Variants in ULK1 observed in about 807,000 individuals in gnomAD.
ULK1 encodes serine/threonine-protein kinase ULK1.
ULK1 carries 48 observed loss-of-function variants against 117.5 expected under a neutral mutation model. The ratio of observed to expected loss-of-function variants is 0.41; its 90% CI spans 0.32 to 0.52. The LOEUF (loss-of-function observed/expected upper bound fraction) is 0.52. ULK1 is among the 20% of genes least tolerant of loss of function. The pLI is 0.29. For missense variants in ULK1, 1,387 were observed against 1,473.4 expected (o/e 0.94, Z 0.96); for synonymous variants, 790 against 637.8 (o/e 1.24, Z -3.60).
chr12:131,895,464 A>T, intron 1 of ULK1, 137 bp from the exon 2 acceptor site: 1 of 724,898 alleles, frequency 1.4e-6, no homozygotes, highest in Non-Finnish European at 2.3e-6. Flanking sequence ...GCGATCCTCA[A>T]CCTGGCTCCC....
At chr12:131,910,601 G>A (rs905509169) in intron 11 of ULK1, 111 bp from the exon 12 acceptor site, 8 of 1,604,422 alleles carry the variant, frequency 5.0e-6, no homozygotes, top group East Asian at 4.5e-5. Flanking sequence ...TGGTCGGGGT[G>A]TAGCCGGAAG....
At chr12:131,910,199 G>T in intron 10 of ULK1, 55 bp from the exon 11 acceptor site, 11 of 1,608,236 alleles carry the variant, frequency 6.8e-6, no homozygotes, top group Non-Finnish European at 8.5e-6. Context: ...GGAGGCAGGG[G>T]CCTGGGGTCA....
At chr12:131,920,249 C>G in intron 26 of ULK1, 113 bp downstream of exon 26, 2 of 1,360,088 alleles carry the variant, frequency 1.5e-6, no homozygotes, top group Non-Finnish European at 2.0e-6. Context: ...GGGGGTGTCA[C>G]TTCTGGAGGT....
Position 131,908,968 on chromosome 12 carries a change from C to T in ULK1, c.561C>T (p.Tyr187=), listed in dbSNP as rs777488587. The change falls in exon 7 of 28, where the codon TAC becomes TAT. Residue 187 remains tyrosine (Y), a synonymous_variant. Coordinates refer to ENST00000321867, the MANE Select transcript of ULK1 (RefSeq NM_003565.4). ...CCACACTCTGCGGCTCCCCCATGTA[C>T]ATGGTGTGTTTACCTTGGCCGGGCT... ...MAATLCGSPM[Y]MAPEVIMSQH... 1 of 1,612,870 alleles carries T rather than the reference C, an allele frequency of 6.2e-7. No individual in the cohort carries two copies. The highest frequency in any genetic ancestry group is 8.5e-7 in the Non-Finnish European group (1 of 1,179,884).
intron 3 of ULK1, chr12:131,897,853 G>A (rs952627948): frequency 3.3e-5 from 5 of 152,110 alleles, no homozygotes; most frequent in African/African-American, 1.2e-4. Flanking sequence ...GAGCCGTGAT[G>A]TTGCCACCGC....
At chr12:131,899,368 A>G (rs1183837077) in intron 3 of ULK1, among the ~76,000 whole-genome samples, 2 of 151,998 alleles carry the variant, frequency 1.3e-5, no homozygotes, top group East Asian at 1.9e-4. Flanking sequence ...TTGTACTTTT[A>G]GTAGAGACAA....
At chr12:131,918,353 C>T (rs545094838) in intron 22 of ULK1, 144 bp from the exon 23 acceptor site, 3 of 1,019,546 alleles carry the variant, frequency 2.9e-6, no homozygotes, top group Non-Finnish European at 2.8e-6. Flanking sequence ...TGCTGTGCTT[C>T]TCCTGTTGGA....
chr12:131,917,553 A>G lies in ULK1; in HGVS notation c.2325A>G (p.Ser775=). 1 of 1,423,756 alleles carries G rather than the reference A, an allele frequency of 7.0e-7. No individual in the cohort carries two copies. The highest frequency in any genetic ancestry group is 9.2e-7 in the Non-Finnish European group (1 of 1,083,092). 88.2% of individuals were successfully genotyped at this position (1,423,756 alleles called of 1,614,324 possible). The change falls in exon 22 of 28, where the codon TCA becomes TCG. Residue 775 remains serine (S), a splice_region_variant and synonymous_variant. Coordinates refer to ENST00000321867, the MANE Select transcript of ULK1 (RefSeq NM_003565.4). ...PPQGPRTRMF[S]AGPTGSASSS... ...AGGGCCCCCGCACCAGGATGTTCTC[A>G]GGTGAGGGCTGGCTAGGCTGAAGCC...
chr12:131,918,733 G>A (rs1300731769), intron 23 of ULK1, 52 bp downstream of exon 23: 1 of 1,494,354 alleles, frequency 6.7e-7, no homozygotes, highest in Non-Finnish European at 9.0e-7. Flanking sequence ...GGTGTGTGGG[G>A]TGTGTGGGGT....
Position 131,910,873 on chromosome 12 carries a change from C to T in ULK1, c.948+73C>T, listed in dbSNP as rs905542691. 6.3e-6 allele frequency: 10 copies of T among 1,591,230 alleles called. No individual in the cohort carries two copies. In the African/African-American group the frequency reaches 8.1e-5, roughly 13 times the overall value. On this transcript the variant is annotated intron_variant, in intron 12 of 27. Coordinates refer to ENST00000321867, the MANE Select transcript of ULK1 (RefSeq NM_003565.4). ...GTCAGGGGCTCCAGCCCTGGGCCCC[C>T]GCGGGGACGTGCTGTGACTTCTGTT...
rs756060753 is a variant in ULK1 at position 131,916,141 on chromosome 12, C to T, written c.1860C>T (p.Ile620=). 8 of 1,611,884 alleles carry T rather than the reference C, an allele frequency of 5.0e-6. No homozygotes were observed. In the East Asian group the frequency reaches 1.8e-4, roughly 36 times the overall value. ...TGCAGCGAAACCCCCTGCCCCCCAT[C>T]CTGGGCTCCCCCACCAAGGTAATGG... ...DFLQRNPLPP[I]LGSPTKAVPS... is the part of the protein sequence containing the mutation. Residue 620 remains isoleucine, a synonymous_variant, in exon 19 of 28, where the codon ATC becomes ATT. Transcript: ENST00000321867.
chr12:131,910,535 G>C (rs540852167), intron 11 of ULK1, among the ~76,000 whole-genome samples, 177 bp from the exon 12 acceptor site: 1 of 152,274 alleles, frequency 6.6e-6, no homozygotes, highest in African/African-American at 2.4e-5. Flanking sequence ...GGAGGGGCTG[G>C]TGCTGCCCTG....
chr12:131,913,020 C>T (rs554280153), intron 13 of ULK1, among the ~76,000 whole-genome samples, 178 bp from the exon 14 acceptor site: 29 of 152,314 alleles, frequency 1.9e-4, no homozygotes, highest in African/African-American at 6.7e-4. Flanking sequence ...CTGGGGCTGG[C>T]AGGGAGGATG....
intron 23 of ULK1, among the ~76,000 whole-genome samples, chr12:131,918,987 GGT>G (rs1413759709): frequency 4.5e-5 from 6 of 133,938 alleles, no homozygotes; most frequent in Non-Finnish European, 8.2e-5. Context: ...TGGGGTGTCG[GGT>G]GTGTGGGGTG....
Position 131,916,237 on chromosome 12 carries a change from C to T in ULK1, c.1878+78C>T. 2.6e-6 allele frequency: 4 copies of T among 1,555,250 alleles called. No individual in the cohort carries two copies. In the Admixed American group the frequency reaches 6.1e-5, roughly 24 times the overall value. On this transcript the variant is annotated intron_variant, in intron 19 of 27. Transcript: ENST00000321867. ...GGGAATGGCCAGTCCTGAACAAAGACCGAGGAAGGCAGCTCTGTACCTTTT... is the reference window on the plus strand; with the variant it reads ...GGGAATGGCCAGTCCTGAACAAAGATCGAGGAAGGCAGCTCTGTACCTTTT...
In ULK1 at chr12:131,910,798, C is replaced by A; in HGVS notation, c.946C>A (p.Pro316Thr). 6.2e-7 allele frequency: 1 copy of A among 1,612,492 alleles called. No individual in the cohort carries two copies. The highest frequency in any genetic ancestry group is 1.3e-5 in the African/African-American group (1 of 75,038). The change falls in exon 12 of 28, where the codon CCG becomes ACG. Residue 316 changes from proline (P) to threonine (T), a missense_variant and splice_region_variant. Around this residue, in one of 4 missense-constraint regions of ULK1, gnomAD observed 260 missense variants for 271.6 expected, o/e 0.96. Coordinates refer to ENST00000321867, the MANE Select transcript of ULK1 (RefSeq NM_003565.4). ...CTCCACCTCCCACCTGGCCTCCCCG[C>A]CGGTGAGTTGCCGCCCCAGGGGCTT... ...SSSTSHLASP[P>T]SLGEMQQLQK...
rs756430541 is a variant in ULK1, at chr12:131,921,204, G to C, written c.3066G>C (p.Ser1022=). The C allele has an allele frequency of 1.2e-6, 2 of 1,606,638 alleles. No individual in the cohort carries two copies. The highest frequency in any genetic ancestry group is 1.7e-6 in the Non-Finnish European group (2 of 1,179,852). Residue 1022 remains serine, a synonymous_variant, in exon 27 of 28, where the codon TCG becomes TCC. Coordinates refer to ENST00000321867, the MANE Select transcript of ULK1 (RefSeq NM_003565.4). ...TGGAGGGGCTGCAGCACATGCTCTCGGACCAGGCCGACATCGAGAACGTCA... is the reference window on the plus strand; with the variant it reads ...TGGAGGGGCTGCAGCACATGCTCTCCGACCAGGCCGACATCGAGAACGTCA... The part of the protein sequence containing the change: ...LLLEGLQHML[S]DQADIENVTK...
chr12:131,913,180 C>G lies in ULK1; in HGVS notation c.1097-18C>G. 1 of 1,563,706 alleles carries G rather than the reference C, an allele frequency of 6.4e-7. No individual in the cohort carries two copies. The highest frequency in any genetic ancestry group is 1.4e-5 in the African/African-American group (1 of 72,252). ...CAGGCGGCAAGGACTCCAGGCCCAG[C>G]CTTGTCTCCCCCTGCAGGTGACCTG... On this transcript the variant is annotated intron_variant, in intron 13 of 27. Transcript: ENST00000321867.
intron 3 of ULK1, among the ~76,000 whole-genome samples, chr12:131,901,066 C>G (rs1369415224): frequency 1.4e-5 from 2 of 146,674 alleles, no homozygotes; most frequent in South Asian, 2.1e-4. Context: ...ACTTTGAAAA[C>G]AATGGGATGA....
Sources: gnomAD v4.1 joint callset for allele counts (sites outside exome capture counted in the v4.1 genomes callset) on GRCh38, gnomAD v4.1.1 for gene constraint, gnomAD v4.1.1 regional missense constraint, MANE v1.5 for transcripts, NCBI Gene and HGNC (gene_info 2026-07-23, HGNC 2026-07-21) for gene names.